TSPAN9: variants seen among roughly 807,000 people sequenced by gnomAD.
The protein encoded by TSPAN9 is tetraspanin-9.
A neutral mutation model predicts 31.0 loss-of-function variants in TSPAN9; 16 were observed. The observed-to-expected ratio is 0.52, with a 90% CI of 0.35 to 0.78. The LOEUF (loss-of-function observed/expected upper bound fraction) is 0.78. TSPAN9 is among the 30% of genes least tolerant of loss of function. TSPAN9 has a pLI of 0.01. For missense variants in TSPAN9, 272 were observed against 312.5 expected, an observed-to-expected ratio of 0.87 and a Z score of 0.98; for synonymous variants, 145 against 121.6, an observed-to-expected ratio of 1.19 and a Z score of -1.27.
intron 2 of TSPAN9, among the ~76,000 whole-genome samples, chr12:3,199,728 CGTGCGTGCGCGCCG>C (rs1206579313): frequency 6.6e-6 from 1 of 152,260 alleles, no homozygotes; most frequent in East Asian, 1.9e-4. Flanking sequence ...TGTGCGCGCC[CGTGCGTGCGCGCCG>C]AGGGGGCGGG....
intron 2 of TSPAN9, among the ~76,000 whole-genome samples, chr12:3,121,533 CTTTTTT>C (rs59376087): frequency 2.2e-5 from 2 of 92,914 alleles, no homozygotes; most frequent in African/African-American, 4.3e-5. Context: ...CTAATTAAAA[CTTTTTT>C]TTTTTTTTTT....
At chr12:3,123,097 G>C (rs993742346) in intron 2 of TSPAN9, among the ~76,000 whole-genome samples, 7 of 152,166 alleles carry the variant, frequency 4.6e-5, no homozygotes, top group African/African-American at 1.7e-4. Context: ...GTGTTGGTCT[G>C]TCCAGCTGTT....
At chr12:3,150,319 C>T (rs1400240780) in intron 2 of TSPAN9, among the ~76,000 whole-genome samples, 2 of 152,142 alleles carry the variant, frequency 1.3e-5, no homozygotes, top group African/African-American at 4.8e-5. Context: ...GGGGGCTTGA[C>T]TAAGGCCGCA....
chr12:3,167,072 C>G (rs11834909), intron 2 of TSPAN9, among the ~76,000 whole-genome samples: 4,423 of 152,286 alleles, frequency 0.029, 214 homozygotes, highest in African/African-American at 0.1. Flanking sequence ...GCTGGGATTA[C>G]AGGTATGAGC....
At chr12:3,163,080 A>G (rs911946288) in intron 2 of TSPAN9, among the ~76,000 whole-genome samples, 14 of 152,278 alleles carry the variant, frequency 9.2e-5, no homozygotes, top group Admixed American at 8.5e-4. Flanking sequence ...TGCGGTCCAC[A>G]CAGAGCACTC....
At position 3,231,609 on chromosome 12, in the gene TSPAN9, G is replaced by A. The variant is rs534380332; in HGVS notation, c.63+30353G>A. On this transcript the variant is annotated intron_variant, in intron 3 of 8. Coordinates refer to ENST00000011898, the MANE Select transcript of TSPAN9 (RefSeq NM_006675.5). ...AGGGGCAGAGGACTGAGCCAGCAGG[G>A]GCGGGGTGGGTGGAAATTCACATGG... Among the ~76,000 whole-genome samples the A allele has an allele frequency of 6.6e-5, 10 of 152,384 alleles. No homozygotes were observed. In the East Asian group the frequency reaches 1.3e-3, roughly 21 times the overall value.
rs1401284092 is a variant in TSPAN9 at position 3,247,306 on chromosome 12, C to G, written c.64-31115C>G. On this transcript the variant is annotated intron_variant, in intron 3 of 8. Transcript: ENST00000011898. ...GATGAGCATTACTGGCCAGCCCCCC[C>G]CCCCCCGCCACCCGCGTCCCCAAGT... 2.1e-4 allele frequency among the ~76,000 whole-genome samples: 10 copies of G among 48,644 alleles called. 2 individuals are homozygous for G. Among genetic ancestry groups the G allele is most frequent in the Admixed American group, 1.4e-3 (8 of 5,696 alleles). 31.9% of individuals were successfully genotyped at this position (48,644 alleles called of 152,430 possible).
In TSPAN9 at chr12:3,170,201, A is replaced by T. The variant is rs1187480265; in HGVS notation, c.-17-30976A>T. Reference sequence around the variant, plus strand: ...AGGGTGCTCAATAAATGTCACTTACATCTGAATTTCTCTCCCATCCATCTC... The same window carrying T: ...AGGGTGCTCAATAAATGTCACTTACTTCTGAATTTCTCTCCCATCCATCTC... On this transcript the variant is annotated intron_variant, in intron 2 of 8. Transcript: ENST00000011898. The surrounding 1 kb of genome is among the most constrained non-coding windows in gnomAD (Gnocchi z 4.4). 6.6e-6 allele frequency among the ~76,000 whole-genome samples: 1 copy of T among 152,198 alleles called. No individual in the cohort carries two copies. The highest frequency in any genetic ancestry group is 6.5e-5 in the Admixed American group (1 of 15,280).
chr12:3,225,741 A>AT (rs149017195), intron 3 of TSPAN9, among the ~76,000 whole-genome samples: 2,839 of 146,114 alleles, frequency 0.019, 63 homozygotes, highest in African/African-American at 0.059. Flanking sequence ...AGCAGAAGGG[A>AT]TTTTTTTTTT....
At position 3,088,048 on chromosome 12, in the gene TSPAN9, C is replaced by G. The variant is rs1208630794; in HGVS notation, c.-18+4329C>G. Among the ~76,000 whole-genome samples the G allele has an allele frequency of 2.0e-5, 3 of 152,322 alleles. No homozygotes were observed. In the East Asian group the frequency reaches 5.8e-4, roughly 29 times the overall value. The stretch of plus-strand genomic sequence containing the variant: ...CCCAGCCCCGTCTCAGGGCCAGGCT[C>G]TACAGGAGGGCTCAGAGGGGCAGGG... On this transcript the variant is annotated intron_variant, in intron 2 of 8. Transcript: ENST00000011898.
Position 3,279,043 on chromosome 12 carries a change from C to T in TSPAN9, c.307C>T (p.Leu103Phe), listed in dbSNP as rs1328328973. The T allele has an allele frequency of 6.2e-7, 1 of 1,614,158 alleles. No individual in the cohort carries two copies. The highest frequency in any genetic ancestry group is 8.5e-7 in the Non-Finnish European group (1 of 1,180,012). The change falls in exon 5 of 9, where the codon CTC becomes TTC. Residue 103 changes from leucine to phenylalanine, a missense_variant. Physicochemically the swap from Leu to Phe is conservative, Grantham distance 22 (BLOSUM62 0). Coordinates refer to ENST00000011898, the MANE Select transcript of TSPAN9 (RefSeq NM_006675.5). ...ILLAELILLILFFVYMDKVNE... is the reference protein window; with the variant it reads ...ILLAELILLIFFFVYMDKVNE... ...CCTAGCAGAGCTGATCTTACTCATC[C>T]TCTTCTTTGTCTACATGGACAAGGT... is the stretch of plus-strand genomic sequence containing the variant.
At chr12:3,109,317 T>TGAGAGAGA (rs1565579012) in intron 2 of TSPAN9, among the ~76,000 whole-genome samples, 3 of 129,460 alleles carry the variant, frequency 2.3e-5, no homozygotes, top group African/African-American at 1.0e-4. Flanking sequence ...AGTGTGTGTG[T>TGAGAGAGA]GTGTGTGTGT....
intron 3 of TSPAN9, among the ~76,000 whole-genome samples, chr12:3,267,199 C>T (rs529224528): frequency 2.6e-5 from 4 of 152,232 alleles, no homozygotes; most frequent in Admixed American, 6.5e-5. Context: ...GTCTCCTAGA[C>T]GATTGGAGCT....
intron 2 of TSPAN9, among the ~76,000 whole-genome samples, chr12:3,110,634 A>G (rs2098318073): frequency 6.6e-6 from 1 of 152,240 alleles, no homozygotes; most frequent in Non-Finnish European, 1.5e-5. Flanking sequence ...TGTGCTGGTT[A>G]CATAGGAGGT....
intron 3 of TSPAN9, among the ~76,000 whole-genome samples, chr12:3,262,360 C>G (rs1324779131): frequency 6.8e-6 from 1 of 147,286 alleles, no homozygotes; most frequent in Admixed American, 7.0e-5. Flanking sequence ...TCGGCTCTCT[C>G]TGGCTGCTGC....
At chr12:3,151,410 A>G (rs2098339669) in intron 2 of TSPAN9, 1 of 152,138 alleles carries the variant, frequency 6.6e-6, no homozygotes, top group Non-Finnish European at 1.5e-5. Context: ...TTCTTTTCTC[A>G]CAGGAAAAAG....
intron 2 of TSPAN9, among the ~76,000 whole-genome samples, chr12:3,144,137 G>C (rs533851433): frequency 5.9e-4 from 90 of 152,120 alleles, no homozygotes; most frequent in Non-Finnish European, 1.2e-3. Context: ...CAGTCTTGCT[G>C]TCACCCAGGC....
intron 2 of TSPAN9, among the ~76,000 whole-genome samples, chr12:3,106,096 A>G (rs1183331425): frequency 6.6e-6 from 1 of 152,058 alleles, no homozygotes; most frequent in African/African-American, 2.4e-5. Context: ...GCGCGCACGC[A>G]CACACACACA....
chr12:3,211,722 G>C (rs1380492148), intron 3 of TSPAN9: 1 of 1,596,690 alleles, frequency 6.3e-7, no homozygotes, highest in East Asian at 2.2e-5. Context: ...CCTCCTGTAG[G>C]CTGGCAGAGG....
Sources: allele counts gnomAD v4.1 joint callset (sites outside exome capture counted in the v4.1 genomes callset), GRCh38; gene constraint gnomAD v4.1.1; non-coding constraint Gnocchi (gnomAD v3.1); transcripts MANE v1.5; gene names NCBI Gene and HGNC (gene_info 2026-07-23, HGNC 2026-07-21).